Variants in LARS2 observed in about 807,000 individuals in gnomAD.
The protein encoded by LARS2 is leucine--tRNA ligase, mitochondrial.
In LARS2, 81 loss-of-function variants were observed where a neutral mutation model predicts 116.6. The observed-to-expected ratio is 0.69, with a 90% CI of 0.58 to 0.84. The LOEUF is 0.84. Ranked by LOEUF, LARS2 falls within the 40% of genes least tolerant of loss-of-function variation. LARS2 has a pLI of 0.00. For synonymous variants in LARS2, 396 were observed against 407.2 expected, an observed-to-expected ratio of 0.97 and a Z score of 0.33; for missense variants, 968 against 1,114.5, an observed-to-expected ratio of 0.87 and a Z score of 1.87.
intron 6 of LARS2, among the ~76,000 whole-genome samples, chr3:45,427,015 TG>T (rs1219123300): frequency 1.3e-5 from 2 of 152,204 alleles, no homozygotes; most frequent in Non-Finnish European, 2.9e-5. Flanking sequence ...GGGCATGGTC[TG>T]TCGCCCCTCG....
intron 20 of LARS2, among the ~76,000 whole-genome samples, chr3:45,526,425 G>A (rs1187529924): frequency 6.6e-6 from 1 of 152,144 alleles, no homozygotes; most frequent in East Asian, 1.9e-4. Flanking sequence ...GGTGGAGGAG[G>A]CAGTTTTAGA....
At chr3:45,430,446 A>G (rs905802400) in intron 6 of LARS2, among the ~76,000 whole-genome samples, 2 of 124,252 alleles carry the variant, frequency 1.6e-5, no homozygotes, top group African/African-American at 6.1e-5. Flanking sequence ...GCCCCGCTAA[A>G]TTTTTTTGTA....
chr3:45,511,774 T>C (rs1026918974), intron 15 of LARS2, among the ~76,000 whole-genome samples: 1 of 125,274 alleles, frequency 8.0e-6, no homozygotes, highest in South Asian at 2.6e-4. Flanking sequence ...GCTGCTGATT[T>C]TTTTTTTTTT....
intron 6 of LARS2, among the ~76,000 whole-genome samples, chr3:45,440,957 ACATCAGCC>A (rs1192603881): frequency 6.6e-6 from 1 of 151,150 alleles, no homozygotes; most frequent in African/African-American, 2.4e-5. Flanking sequence ...GCTGATGGGT[ACATCAGCC>A]CACCTCTGAG....
Position 45,450,799 on chromosome 3 carries a change from G to A in LARS2, c.606+3819G>A, listed in dbSNP as rs150849200. Reference sequence around the variant, plus strand: ...TAATTTTACAAGGAACCACCTTACTGTTTTTCACACAGTGTATGAGGGTTC... The same window carrying A: ...TAATTTTACAAGGAACCACCTTACTATTTTTCACACAGTGTATGAGGGTTC... On this transcript the variant is annotated intron_variant, in intron 7 of 21. Coordinates refer to ENST00000645846, the MANE Select transcript of LARS2 (RefSeq NM_015340.4). Among the ~76,000 whole-genome samples the A allele has an allele frequency of 2.2e-4, 33 of 152,196 alleles. 1 individual carries two copies. In the East Asian group the frequency reaches 5.6e-3, roughly 26 times the overall value.
chr3:45,438,939 C>A (rs983176605), intron 6 of LARS2, among the ~76,000 whole-genome samples: 1 of 152,084 alleles, frequency 6.6e-6, no homozygotes, highest in African/African-American at 2.4e-5. Flanking sequence ...TTGTAAATTG[C>A]TGGGGGATTT....
At chr3:45,503,468 C>T (rs993754747) in intron 15 of LARS2, among the ~76,000 whole-genome samples, 3 of 152,054 alleles carry the variant, frequency 2.0e-5, no homozygotes, top group Non-Finnish European at 4.4e-5. Flanking sequence ...CATGCACAAA[C>T]ATTTATGATC....
chr3:45,444,171 A>ATTTT (rs71095037), intron 6 of LARS2, among the ~76,000 whole-genome samples: 2 of 132,084 alleles, frequency 1.5e-5, no homozygotes, highest in Admixed American at 7.6e-5. Flanking sequence ...TTCCTGGCTA[A>ATTTT]TTTTTTTTTT....
At chr3:45,492,040 A>C (rs1355347770) in intron 13 of LARS2, among the ~76,000 whole-genome samples, 2 of 152,240 alleles carry the variant, frequency 1.3e-5, no homozygotes, top group Non-Finnish European at 2.9e-5. Flanking sequence ...GTGTCAGTTC[A>C]GATCTATCCC....
intron 5 of LARS2, among the ~76,000 whole-genome samples, chr3:45,419,410 G>A (rs1698480819): frequency 6.6e-6 from 1 of 152,176 alleles, no homozygotes; most frequent in African/African-American, 2.4e-5. Context: ...AATGGCCAGG[G>A]GAAGGGGCAG....
intron 4 of LARS2, among the ~76,000 whole-genome samples, chr3:45,415,435 G>A (rs550506361): frequency 2.6e-5 from 4 of 152,270 alleles, no homozygotes; most frequent in Admixed American, 1.3e-4. Flanking sequence ...GATCCAATGA[G>A]GTAGTTATGC....
Position 45,547,453 on chromosome 3 carries a change from C to T in LARS2, c.2635C>T (p.Leu879Phe), listed in dbSNP as rs376326697. ...FVLQSELGVR[L>F]LQGRSIKKSF... is the part of the protein sequence containing the mutation. ...TCTTCAAAGCGAGCTGGGTGTCAGGCTTTTGCAAGGACGAAGCATCAAGAA... is the reference window on the plus strand; with the variant it reads ...TCTTCAAAGCGAGCTGGGTGTCAGGTTTTTGCAAGGACGAAGCATCAAGAA... The change falls in exon 22 of 22, where the codon CTT (leucine) becomes TTT (phenylalanine). Residue 879 changes from leucine to phenylalanine, a missense_variant. Coordinates refer to ENST00000645846, the MANE Select transcript of LARS2 (RefSeq NM_015340.4). The T allele has an allele frequency of 1.4e-4, 230 of 1,613,770 alleles. No homozygotes were observed. The highest frequency in any genetic ancestry group is 1.9e-4 in the Non-Finnish European group (223 of 1,179,912).
chr3:45,535,654 G>A (rs557252510), intron 20 of LARS2, among the ~76,000 whole-genome samples: 18 of 152,198 alleles, frequency 1.2e-4, no homozygotes, highest in Non-Finnish European at 2.4e-4. Context: ...AAAGAGTGGC[G>A]CTAGGGAGCC....
chr3:45,474,505 A>G (rs905266514), intron 9 of LARS2, among the ~76,000 whole-genome samples, 155 bp downstream of exon 9: 3 of 152,264 alleles, frequency 2.0e-5, no homozygotes, highest in African/African-American at 4.8e-5. Flanking sequence ...TTAAAAGTGC[A>G]AAGAACAGGT....
intron 20 of LARS2, among the ~76,000 whole-genome samples, chr3:45,533,326 A>G (rs1158411231): frequency 6.6e-6 from 1 of 150,940 alleles, no homozygotes. Flanking sequence ...AATTTTTTGT[A>G]TTTTTAGTAG....
chr3:45,442,058 G>A (rs527784293), intron 6 of LARS2, among the ~76,000 whole-genome samples: 1 of 152,226 alleles, frequency 6.6e-6, no homozygotes, highest in Non-Finnish European at 1.5e-5. Flanking sequence ...TTTATGTGGA[G>A]TGTGGCTGAA....
At position 45,546,939 on chromosome 3, in the gene LARS2, C is replaced by T. The variant is rs932286506; in HGVS notation, c.2533-412C>T. On this transcript the variant is annotated intron_variant, in intron 21 of 21. Coordinates refer to ENST00000645846, the MANE Select transcript of LARS2 (RefSeq NM_015340.4). ...ACCTAGGTAAAATCTGAGGGGACAG[C>T]TCACTCTAACCTGGATCTGAACTTA... is the stretch of plus-strand genomic sequence containing the variant. Among the ~76,000 whole-genome samples, 25 of 152,190 alleles carry T rather than the reference C, an allele frequency of 1.6e-4. No homozygotes were observed. The East Asian group carries it at 1.7e-3, about 11-fold the overall frequency.
At chr3:45,415,055 A>G (rs538144579) in intron 4 of LARS2, among the ~76,000 whole-genome samples, 2 of 152,274 alleles carry the variant, frequency 1.3e-5, no homozygotes, top group South Asian at 4.1e-4. Context: ...CATGGCATGT[A>G]GTTTGAGAGA....
intron 7 of LARS2, among the ~76,000 whole-genome samples, chr3:45,451,369 T>G (rs568640470): frequency 9.2e-4 from 137 of 149,154 alleles, no homozygotes; most frequent in Middle Eastern, 7.0e-3. Flanking sequence ...CTATTTTGAG[T>G]TTTTTTTTTA....
Sources: allele counts gnomAD v4.1 joint callset (sites outside exome capture counted in the v4.1 genomes callset), GRCh38; gene constraint gnomAD v4.1.1; transcripts MANE v1.5; gene names NCBI Gene and HGNC (gene_info 2026-07-23, HGNC 2026-07-21).